The following PTPN4 variants were observed in gnomAD, a reference collection of about 807,000 sequenced individuals.
The protein encoded by PTPN4 is protein tyrosine phosphatase non-receptor type 4, also known as tyrosine-protein phosphatase non-receptor type 4.
PTPN4 carries 49 observed loss-of-function variants against 135.5 expected under a neutral mutation model. The ratio of observed to expected loss-of-function variants is 0.36; its 90% CI spans 0.29 to 0.46. The LOEUF (loss-of-function observed/expected upper bound fraction) is 0.46, where lower values mean the gene tolerates loss of function less well. Among genes scored for constraint, PTPN4 ranks in the 20% least tolerant of loss-of-function variants. PTPN4 has a pLI of 1.00. For missense variants in PTPN4, 860 were observed against 1,101.0 expected (o/e 0.78, Z 3.10); for synonymous variants, 333 against 369.9 (o/e 0.90, Z 1.14).
At position 119,978,606 on chromosome 2, in the gene PTPN4, T is replaced by G. The variant is rs901361621; in HGVS notation, c.*1536T>G. 7.2e-5 allele frequency: 11 copies of G among 152,148 alleles called. No homozygotes were observed. The highest frequency in any genetic ancestry group is 2.2e-4 in the African/African-American group (9 of 41,454). The allele number at this position is 152,148 out of a possible 1,614,324, so 9.4% of individuals were successfully genotyped here. Reference sequence around the variant, plus strand: ...TTTTGTTTTTAAGTCTACAGAGAGATAGAACCTTAACATTGCCCAGTTTGA... The same window carrying G: ...TTTTGTTTTTAAGTCTACAGAGAGAGAGAACCTTAACATTGCCCAGTTTGA... On this transcript the variant is annotated 3_prime_UTR_variant, in exon 27 of 27. Transcript: ENST00000263708.
At chr2:119,827,677 T>C (rs1465287849) in intron 2 of PTPN4, among the ~76,000 whole-genome samples, 1 of 152,210 alleles carries the variant, frequency 6.6e-6, no homozygotes, top group East Asian at 1.9e-4. Flanking sequence ...GATGCGTCCG[T>C]TGTGCTTCCT....
At chr2:119,871,671 CT>C (rs1328635665) in intron 3 of PTPN4, among the ~76,000 whole-genome samples, 6 of 151,600 alleles carry the variant, frequency 4.0e-5, no homozygotes, top group Admixed American at 3.9e-4. Flanking sequence ...TAATAAAGGA[CT>C]TTTATGTTTT....
chr2:119,883,382 A>G lies in PTPN4; in HGVS notation c.587+759A>G, dbSNP rs185324727. Among the ~76,000 whole-genome samples the G allele has an allele frequency of 9.2e-5, 14 of 152,338 alleles. No individual in the cohort carries two copies. The East Asian group carries it at 2.3e-3, about 25-fold the overall frequency. ...GAAATCTGAAACACTTACGATCCCA[A>G]GCATTTCAGATAAGAGATACTTAAC... is the stretch of plus-strand genomic sequence containing the variant. On this transcript the variant is annotated intron_variant, in intron 8 of 26. Transcript: ENST00000263708.
At chr2:119,885,575 A>G (rs1004351077) in intron 8 of PTPN4, among the ~76,000 whole-genome samples, 15 of 152,238 alleles carry the variant, frequency 9.9e-5, no homozygotes, top group Admixed American at 9.8e-4. Context: ...AACTTGGTGT[A>G]TTCTTGTATT....
chr2:119,943,086 T>C (rs1679082836), intron 15 of PTPN4, among the ~76,000 whole-genome samples: 1 of 152,230 alleles, frequency 6.6e-6, no homozygotes, highest in East Asian at 1.9e-4. Flanking sequence ...GCTGTTCACT[T>C]GCTTCTTTTG....
At chr2:119,788,300 C>T (rs904481131) in intron 1 of PTPN4, among the ~76,000 whole-genome samples, 1 of 151,942 alleles carries the variant, frequency 6.6e-6, no homozygotes, top group Admixed American at 6.6e-5. Context: ...ATGCTAATAC[C>T]ACAAATTTCA....
At chr2:119,765,231 A>G (rs1351221002) in intron 1 of PTPN4, among the ~76,000 whole-genome samples, 1 of 152,232 alleles carries the variant, frequency 6.6e-6, no homozygotes, top group Non-Finnish European at 1.5e-5. Context: ...TCCCATCTTC[A>G]TGAATATTAT....
intron 9 of PTPN4, among the ~76,000 whole-genome samples, chr2:119,888,176 A>G (rs556634427): frequency 2.6e-5 from 4 of 152,176 alleles, no homozygotes; most frequent in Non-Finnish European, 5.9e-5. Flanking sequence ...TTATTGATGT[A>G]TAGAAGTGCT....
At chr2:119,943,681 G>A (rs960356830) in intron 15 of PTPN4, among the ~76,000 whole-genome samples, 1 of 146,262 alleles carries the variant, frequency 6.8e-6, no homozygotes, top group African/African-American at 2.6e-5. Context: ...CGCCTCCCAG[G>A]TTCACGCCAT....
chr2:119,984,128 G>A lies in PTPN4; in HGVS notation c.*7058G>A, dbSNP rs1679732040. 1.3e-5 allele frequency among the ~76,000 whole-genome samples: 2 copies of A among 152,134 alleles called. No homozygotes were observed. Among genetic ancestry groups the A allele is most frequent in the South Asian group, 4.1e-4 (2 of 4,830 alleles). ...TGTTCTCCAGCATCAGGACATTACA[G>A]TTGTAATCTATGTTGTAATCTTTTC... On this transcript the variant is annotated 3_prime_UTR_variant, in exon 27 of 27. Transcript: ENST00000263708.
intron 26 of PTPN4, 136 bp downstream of exon 26, chr2:119,968,108 G>C (rs913172595): frequency 8.0e-6 from 6 of 747,780 alleles, no homozygotes; most frequent in Non-Finnish European, 1.2e-5. Context: ...TCTAGCACAG[G>C]GGTAAGCAAA....
chr2:119,930,334 A>G (rs1483297108), intron 13 of PTPN4, among the ~76,000 whole-genome samples: 3 of 152,174 alleles, frequency 2.0e-5, no homozygotes, highest in Non-Finnish European at 4.4e-5. Flanking sequence ...AAAAAGTTTT[A>G]GCTATGAATT....
At chr2:119,955,811 C>G (rs886704835) in intron 20 of PTPN4, among the ~76,000 whole-genome samples, 1 of 151,990 alleles carries the variant, frequency 6.6e-6, no homozygotes, top group Non-Finnish European at 1.5e-5. Context: ...GTGGCAGGTG[C>G]CTGTAGTCCC....
chr2:119,788,290 A>G (rs1387030751), intron 1 of PTPN4, among the ~76,000 whole-genome samples: 5 of 152,180 alleles, frequency 3.3e-5, no homozygotes. Flanking sequence ...AAATTAAGAG[A>G]TGCTAATACC....
intron 1 of PTPN4, among the ~76,000 whole-genome samples, chr2:119,789,078 ATTTTTCT>A (rs1323957545): frequency 2.7e-5 from 4 of 149,028 alleles, no homozygotes; most frequent in Non-Finnish European, 1.5e-5. Flanking sequence ...AACACTTGTT[ATTTTTCT>A]TTTTTCTTTT....
intron 9 of PTPN4, among the ~76,000 whole-genome samples, chr2:119,889,830 G>C (rs1355416559): frequency 6.6e-6 from 1 of 151,922 alleles, no homozygotes; most frequent in Non-Finnish European, 1.5e-5. Flanking sequence ...ATTTTCATTT[G>C]TTTCAAAGAA....
chr2:119,819,887 G>A (rs1475738954), intron 2 of PTPN4, among the ~76,000 whole-genome samples: 1 of 152,080 alleles, frequency 6.6e-6, no homozygotes, highest in Non-Finnish European at 1.5e-5. Flanking sequence ...TAGAGACAGT[G>A]TCTTGCTCTA....
intron 11 of PTPN4, chr2:119,915,674 G>A (rs529834815): frequency 6.6e-6 from 1 of 152,580 alleles, no homozygotes; most frequent in South Asian, 2.1e-4. Flanking sequence ...TTGTTGGAGT[G>A]GTAATGGCTT....
At chr2:119,800,623 A>G (rs1455525271) in intron 1 of PTPN4, among the ~76,000 whole-genome samples, 2 of 151,804 alleles carry the variant, frequency 1.3e-5, no homozygotes, top group Non-Finnish European at 2.9e-5. Context: ...TTGATGTCAC[A>G]TCTAAGAACA....
Sources: allele counts gnomAD v4.1 joint callset (sites outside exome capture counted in the v4.1 genomes callset), GRCh38; gene constraint gnomAD v4.1.1; transcripts MANE v1.5; gene names NCBI Gene and HGNC (gene_info 2026-07-23, HGNC 2026-07-21).